HDAC7: variants seen among roughly 807,000 people sequenced by gnomAD.
HDAC7 encodes the protein histone deacetylase 7, also known as histone deacetylase 7A.
In HDAC7, 26 loss-of-function variants were observed where a neutral mutation model predicts 115.5. The observed-to-expected ratio is 0.23, with a 90% CI of 0.16 to 0.31. The LOEUF (loss-of-function observed/expected upper bound fraction) is 0.31, where lower values mean the gene tolerates loss of function less well. Ranked by LOEUF, HDAC7 falls within the 10% of genes least tolerant of loss-of-function variation. The pLI, the probability that HDAC7 is intolerant of heterozygous loss-of-function variation, is 1.00. For synonymous variants in HDAC7, 564 were observed against 550.9 expected (o/e 1.02, Z -0.33); for missense variants, 1,068 against 1,329.0 (o/e 0.80, Z 3.05).
Position 47,785,508 on chromosome 12 carries a change from G to A in HDAC7, c.2707-37C>T, listed in dbSNP as rs144252896. ...AGTACATCAGCCACCAGTCTCTCAG[G>A]GACCCACAGGCCCAGCTCACTCCCA... On this transcript the variant is annotated intron_variant, in intron 23 of 25. Coordinates refer to ENST00000080059, the MANE Select transcript of HDAC7 (RefSeq NM_015401.5). 36 of 1,575,766 alleles carry A rather than the reference G, an allele frequency of 2.3e-5. No individual in the cohort carries two copies. In the Admixed American group the frequency reaches 3.3e-4, roughly 14 times the overall value.
chr12:47,788,397 G>C (rs1469788886), intron 19 of HDAC7: 4 of 382,206 alleles, frequency 1.0e-5, no homozygotes, highest in Non-Finnish European at 1.9e-5. Flanking sequence ...TCCTGAAGGA[G>C]AGGAGGTGTC....
chr12:47,814,651 G>C (rs1944801239), intron 1 of HDAC7, among the ~76,000 whole-genome samples: 1 of 152,226 alleles, frequency 6.6e-6, no homozygotes, highest in African/African-American at 2.4e-5. Flanking sequence ...GGCTGCTTAA[G>C]GGGAGGAGAC....
At chr12:47,791,022 C>T (rs1014911489) in intron 16 of HDAC7, 4 of 571,374 alleles carry the variant, frequency 7.0e-6, no homozygotes, top group Non-Finnish European at 1.3e-5. Context: ...ATCTACCAGA[C>T]ACCTTCTAGG....
rs1943281616 is a variant in HDAC7, at chr12:47,788,246, C to T, written c.2236-82G>A. 3.4e-6 allele frequency: 5 copies of T among 1,492,448 alleles called. No homozygotes were observed. In the South Asian group the frequency reaches 6.8e-5, roughly 20 times the overall value. 92.5% of individuals were successfully genotyped at this position (1,492,448 alleles called of 1,614,324 possible). A position where few individuals can be genotyped will look rare whatever the true frequency, so the allele number is the denominator to read the frequency against. On this transcript the variant is annotated intron_variant, in intron 19 of 25. Transcript: ENST00000080059. ...GTTAGAAGGGTTTCAAGGTCAGTGG[C>T]CATTCTGAGGTCAGGACCCTAGACT...
rs73107980 is a variant in HDAC7, at chr12:47,793,818, C to G, written c.1459-230G>C. Among the ~76,000 whole-genome samples the G allele has an allele frequency of 5.3e-5, 8 of 152,086 alleles. No homozygotes were observed. Among genetic ancestry groups the G allele is most frequent in the Admixed American group, 1.3e-4 (2 of 15,278 alleles). On this transcript the variant is annotated intron_variant, in intron 12 of 25. Transcript: ENST00000080059. The surrounding 1 kb of genome is among the most constrained non-coding windows in gnomAD (Gnocchi z 4.5). ...CTGACCACCCATTCCACCAGCTCCCCGGGCCCTTGGGGCTCCAAAGCCAGG... is the reference window on the plus strand; with the variant it reads ...CTGACCACCCATTCCACCAGCTCCCGGGGCCCTTGGGGCTCCAAAGCCAGG...
chr12:47,787,845 C>T (rs1329336041), intron 20 of HDAC7, 36 bp from the exon 21 acceptor site: 1 of 1,582,792 alleles, frequency 6.3e-7, no homozygotes, highest in Non-Finnish European at 8.6e-7. Context: ...ATGAGGACAG[C>T]AGAGTCCCAG....
At chr12:47,796,813 T>C (rs1409167401) in intron 7 of HDAC7, among the ~76,000 whole-genome samples, 3 of 152,230 alleles carry the variant, frequency 2.0e-5, no homozygotes. Context: ...TGCCCCCTTT[T>C]CTGGGAGATG....
In HDAC7 at chr12:47,805,731, T is replaced by C. The variant is rs565241366; in HGVS notation, c.20-3457A>G. On this transcript the variant is annotated intron_variant, in intron 1 of 25. Coordinates refer to ENST00000080059, the MANE Select transcript of HDAC7 (RefSeq NM_015401.5). Reference sequence around the variant, plus strand: ...GAGATCGTTCAGACCAACACTCTCATTTGACAGAGGAGCAAAGAGAAAGAA... The same window carrying C: ...GAGATCGTTCAGACCAACACTCTCACTTGACAGAGGAGCAAAGAGAAAGAA... Among the ~76,000 whole-genome samples the C allele has an allele frequency of 1.7e-4, 26 of 152,286 alleles. 1 individual carries two copies. The South Asian group carries it at 5.0e-3, about 29-fold the overall frequency.
chr12:47,798,941 G>T lies in HDAC7; in HGVS notation c.102C>A (p.Gly34=). The T allele has an allele frequency of 6.6e-7, 1 of 1,522,694 alleles. No individual in the cohort carries two copies. Among genetic ancestry groups the T allele is most frequent in the Non-Finnish European group, 8.8e-7 (1 of 1,139,900 alleles). The allele number at this position is 1,522,694 out of a possible 1,614,324, so 94.3% of individuals were successfully genotyped here. ...GCAGGTCCATGGGCTGCGGCTGAGG[G>T]CCTGGTGTGTCTGCACAGGGCCTGG... The part of the protein sequence containing the change: ...GCPRPCADTP[G]PQPQPMDLRV... Residue 34 remains glycine, a synonymous_variant, in exon 3 of 26, where the codon GGC becomes GGA. Transcript: ENST00000080059. The surrounding 1 kb of genome is among the most constrained non-coding windows in gnomAD (Gnocchi z 4.3).
In HDAC7 at chr12:47,798,556, C is replaced by T; in HGVS notation, c.349+6G>A. ...CTGGGCTGGGCTGGGGTGGCCACCT[C>T]CTTACTTCGCTTGCTCTTGTCCTTG... On this transcript the variant is annotated splice_donor_region_variant and intron_variant, in intron 4 of 25. Coordinates refer to ENST00000080059, the MANE Select transcript of HDAC7 (RefSeq NM_015401.5). This position sits in a 1 kb window ranked among gnomAD's most constrained non-coding sequence, Gnocchi z 4.3. The T allele has an allele frequency of 6.2e-7, 1 of 1,613,398 alleles. No individual in the cohort carries two copies. The highest frequency in any genetic ancestry group is 2.2e-5 in the East Asian group (1 of 44,880).
intron 19 of HDAC7, 175 bp downstream of exon 19, chr12:47,789,085 TC>T: frequency 3.1e-6 from 2 of 639,414 alleles, no homozygotes; most frequent in African/African-American, 3.6e-5. Context: ...CGCCATCCCC[TC>T]TAGGCCTCCC....
In HDAC7 at chr12:47,793,499, C is replaced by A. The variant is rs376635098; in HGVS notation, c.1548G>T (p.Gly516=). The A allele has an allele frequency of 1.0e-5, 16 of 1,549,220 alleles. No homozygotes were observed. The highest frequency in any genetic ancestry group is 2.4e-5 in the East Asian group (1 of 41,334). The change falls in exon 13 of 26, where the codon GGG becomes GGT. Residue 516 remains glycine (G), a synonymous_variant. Transcript: ENST00000080059. The surrounding 1 kb of genome is among the most constrained non-coding windows in gnomAD (Gnocchi z 4.5). ...DTVLLPLAQG[G]HRPLSRAQSS... is the part of the protein sequence containing the mutation. ...ACTGAGCCCGGGACAGAGGCCGGTG[C>A]CCACCCTGGGCCAGAGGAAGCAGCA...
intron 16 of HDAC7, chr12:47,790,610 T>G (rs914777406): frequency 6.4e-6 from 1 of 156,430 alleles, no homozygotes; most frequent in African/African-American, 2.4e-5. Flanking sequence ...CCCCACCAGC[T>G]ACAGCTCCCA....
intron 11 of HDAC7, 45 bp from the exon 12 acceptor site, chr12:47,794,978 G>T (rs1366282955): frequency 6.4e-7 from 1 of 1,565,528 alleles, no homozygotes; most frequent in Admixed American, 1.8e-5. Flanking sequence ...TGGAGCGAGG[G>T]GCATGGGGTG....
chr12:47,791,408 G>A, intron 15 of HDAC7, 100 bp from the exon 16 acceptor site: 1 of 1,400,206 alleles, frequency 7.1e-7, no homozygotes, highest in Non-Finnish European at 9.7e-7. Flanking sequence ...GAGTATTGGG[G>A]GAGAGAAATA....
At position 47,800,727 on chromosome 12, in the gene HDAC7, AGC is replaced by A. The variant is rs1442825273; in HGVS notation, c.70+1495_70+1496del. Among the ~76,000 whole-genome samples, 3 of 152,346 alleles carry A rather than the reference AGC, an allele frequency of 2.0e-5. No individual in the cohort carries two copies. In the East Asian group the frequency reaches 5.8e-4, roughly 29 times the overall value. On this transcript the variant is annotated intron_variant, in intron 2 of 25. Transcript: ENST00000080059. ...AGAGGGGCTTGGGGGAACCAAGGCCAGCGACCTGGACCCAAGACCAGTGGCTT... is the reference window on the plus strand; with the variant it reads ...AGAGGGGCTTGGGGGAACCAAGGCCAGACCTGGACCCAAGACCAGTGGCTT...
At chr12:47,815,620 G>A (rs1363714615) in intron 1 of HDAC7, among the ~76,000 whole-genome samples, 1 of 152,132 alleles carries the variant, frequency 6.6e-6, no homozygotes, top group Non-Finnish European at 1.5e-5. Flanking sequence ...TGATCTGAAT[G>A]TTTTTAATTT....
intron 7 of HDAC7, 104 bp from the exon 8 acceptor site, chr12:47,796,402 A>G: frequency 1.4e-6 from 1 of 690,600 alleles, no homozygotes; most frequent in East Asian, 2.8e-5. Flanking sequence ...CCCTTCCTTA[A>G]CGAGCACCTT....
chr12:47,791,990 A>G lies in HDAC7; in HGVS notation c.1693T>C (p.Ser565Pro). The G allele has an allele frequency of 1.2e-6, 2 of 1,609,954 alleles. No homozygotes were observed. The highest frequency in any genetic ancestry group is 2.2e-5 in the East Asian group (1 of 44,784). ...GAGCACTGGTGCTTCAGCATGACCG[A>G]GTCATAGATCAGCCCTGCAGGAGCA... ...LPFTTGLIYD[S>P]VMLKHQCSCG... Residue 565 changes from serine (S) to proline (P), a missense_variant, in exon 14 of 26, where the codon TCG becomes CCG. Coordinates refer to ENST00000080059, the MANE Select transcript of HDAC7 (RefSeq NM_015401.5).
Sources: gnomAD v4.1 joint callset for allele counts (sites outside exome capture counted in the v4.1 genomes callset) on GRCh38, gnomAD v4.1.1 for gene constraint, Gnocchi (gnomAD v3.1) non-coding constraint, MANE v1.5 for transcripts, NCBI Gene and HGNC (gene_info 2026-07-23, HGNC 2026-07-21) for gene names.